Variants in CACNA1C observed in about 807,000 individuals in gnomAD.
CACNA1C encodes the protein calcium voltage-gated channel subunit alpha1 C, also known as voltage-dependent L-type calcium channel subunit alpha-1C.
A neutral mutation model predicts 229.0 loss-of-function variants in CACNA1C; 30 were observed. That is an observed-to-expected ratio of 0.13 (90% CI 0.10 to 0.18). CACNA1C has a LOEUF of 0.18. CACNA1C is among the 10% of genes least tolerant of loss of function. The pLI is 1.00. For synonymous variants in CACNA1C, 1,114 were observed against 1,132.5 expected (o/e 0.98, Z 0.33); for missense variants, 1,658 against 2,845.0 (o/e 0.58, Z 9.49).
intron 3 of CACNA1C, among the ~76,000 whole-genome samples, chr12:2,164,627 T>C (rs766589268): frequency 2.0e-4 from 31 of 152,322 alleles, no homozygotes; most frequent in Admixed American, 6.5e-4. Context: ...GTCTTCATAA[T>C]ATCAGGAAGG....
rs1437812379 is a variant in CACNA1C at position 1,974,906 on chromosome 12, G to T, written c.139+3705G>T. Among the ~76,000 whole-genome samples the T allele has an allele frequency of 2.0e-5, 3 of 152,130 alleles. No individual in the cohort carries two copies. The East Asian group carries it at 5.8e-4, about 29-fold the overall frequency. On this transcript the variant is annotated intron_variant, in intron 1 of 46. Transcript: ENST00000682462. ...TATGCTTAAGCTTATTTTTAAAACA[G>T]AATATTTCTACAGGTCAAAAATTTG...
In CACNA1C at chr12:2,593,237, A is replaced by C; in HGVS notation, c.2555A>C (p.Glu852Ala). 1 of 1,613,790 alleles carries C rather than the reference A, an allele frequency of 6.2e-7. No homozygotes were observed. Among genetic ancestry groups the C allele is most frequent in the Non-Finnish European group, 8.5e-7 (1 of 1,179,796 alleles). ...TTGEEDEEEP[E>A]MPVGPRPRPL... ...GGAGAAGAGGATGAGGAGGAGCCAG[A>C]GATGCCTGTCGGCCCTCGCCCACGA... The change falls in exon 19 of 47, where the codon GAG (glutamate) becomes GCG (alanine). Residue 852 changes from glutamate (E) to alanine (A), a missense_variant. Around this residue, in one of 20 missense-constraint regions of CACNA1C, gnomAD observed 121 missense variants for 128.8 expected, o/e 0.94. Coordinates refer to ENST00000399655, the MANE Select transcript of CACNA1C (RefSeq NM_000719.7).
At chr12:2,032,737 A>G (rs951270985) in intron 1 of CACNA1C, among the ~76,000 whole-genome samples, 2 of 152,232 alleles carry the variant, frequency 1.3e-5, no homozygotes, top group Non-Finnish European at 2.9e-5. Flanking sequence ...GGAGCTAACA[A>G]CTGTGCTGTG....
intron 13 of CACNA1C, among the ~76,000 whole-genome samples, chr12:2,572,552 C>T (rs2056048607): frequency 1.2e-5 from 1 of 81,892 alleles, no homozygotes; most frequent in Non-Finnish European, 2.6e-5. Context: ...TTCTCCCCTC[C>T]TCCTTCTCCT....
At position 2,065,997 on chromosome 12, in the gene CACNA1C, G is replaced by A. The variant is rs145502278; in HGVS notation, c.49+12386G>A. Reference sequence around the variant, plus strand: ...GGCATTTGGTAGGCAATGGAGGGCCGTTTAAAGTGTTTGAGTGGAGAGAGG... The same window carrying A: ...GGCATTTGGTAGGCAATGGAGGGCCATTTAAAGTGTTTGAGTGGAGAGAGG... On this transcript the variant is annotated intron_variant, in intron 1 of 46. Coordinates refer to ENST00000399655, the MANE Select transcript of CACNA1C (RefSeq NM_000719.7). 3.1e-3 allele frequency among the ~76,000 whole-genome samples: 478 copies of A among 152,218 alleles called. 4 individuals are homozygous for A. The highest frequency in any genetic ancestry group is 0.011 in the African/African-American group (455 of 41,522).
At chr12:2,518,313 T>TA (rs1047547973) in intron 9 of CACNA1C, among the ~76,000 whole-genome samples, 53 of 151,770 alleles carry the variant, frequency 3.5e-4, no homozygotes, top group African/African-American at 1.2e-3. Flanking sequence ...ATTTGATCTT[T>TA]AAAAAAAAAT....
At chr12:2,398,238 C>A (rs1228488376) in intron 3 of CACNA1C, among the ~76,000 whole-genome samples, 1 of 152,260 alleles carries the variant, frequency 6.6e-6, no homozygotes, top group Non-Finnish European at 1.5e-5. Flanking sequence ...GCCTCTTCCA[C>A]ATACGTGCCC....
Position 2,519,246 on chromosome 12 carries a change from G to GA in CACNA1C, c.1390+6263dup, listed in dbSNP as rs2099804683. Among the ~76,000 whole-genome samples the GA allele has an allele frequency of 2.0e-5, 3 of 152,302 alleles. No homozygotes were observed. In the East Asian group the frequency reaches 5.8e-4, roughly 29 times the overall value. ...ATTCACCGTTGTGTCCCCATGACCT[G>GA]ACACAGGCCAGAGCATGGGAATGTC... On this transcript the variant is annotated intron_variant, in intron 9 of 46. Coordinates refer to ENST00000399655, the MANE Select transcript of CACNA1C (RefSeq NM_000719.7).
At position 2,605,162 on chromosome 12, in the gene CACNA1C, G is replaced by T; in HGVS notation, c.3042G>T (p.Gly1014=). 1 of 1,610,662 alleles carries T rather than the reference G, an allele frequency of 6.2e-7. No individual in the cohort carries two copies. The highest frequency in any genetic ancestry group is 2.2e-5 in the East Asian group (1 of 44,854). ...RPLRAINRAK[G]LKHVVQCVFV... Reference sequence around the variant, plus strand: ...TGAGGGCCATCAACAGGGCCAAGGGGCTAAAGGTGAGTTGAGGGCTTGGGT... The same window carrying T: ...TGAGGGCCATCAACAGGGCCAAGGGTCTAAAGGTGAGTTGAGGGCTTGGGT... Residue 1014 remains glycine (G), a synonymous_variant, in exon 23 of 47, where the codon GGG becomes GGT. Transcript: ENST00000399655. The surrounding 1 kb of genome is among the most constrained non-coding windows in gnomAD (Gnocchi z 6.2).
chr12:2,556,045 C>G (rs939838589), intron 10 of CACNA1C, among the ~76,000 whole-genome samples: 1 of 152,154 alleles, frequency 6.6e-6, no homozygotes, highest in Non-Finnish European at 1.5e-5. Context: ...TGCACTATCC[C>G]CAGCGTTCAT....
intron 3 of CACNA1C, among the ~76,000 whole-genome samples, chr12:2,318,771 G>T (rs1272537934): frequency 1.3e-5 from 2 of 152,082 alleles, no homozygotes. Flanking sequence ...ATGGCATGGG[G>T]ATGGAGGATG....
intron 3 of CACNA1C, chr12:2,217,645 G>T (rs2060323889): frequency 6.6e-6 from 1 of 152,172 alleles, no homozygotes; most frequent in Admixed American, 6.5e-5. Context: ...ATTTGTACTT[G>T]ATTTGGTTTA....
intron 30 of CACNA1C, among the ~76,000 whole-genome samples, 161 bp from the exon 31 acceptor site, chr12:2,648,314 C>T (rs568403710): frequency 3.3e-5 from 5 of 152,318 alleles, no homozygotes; most frequent in East Asian, 1.9e-4. Context: ...CTCATGGGGA[C>T]GCCCCAGGAC....
intron 3 of CACNA1C, among the ~76,000 whole-genome samples, chr12:2,282,085 C>A (rs2154436062): frequency 6.6e-6 from 1 of 152,112 alleles, no homozygotes; most frequent in South Asian, 2.1e-4. Flanking sequence ...CCTTATCTTC[C>A]TTCCTTTAGA....
chr12:2,357,040 C>G (rs2239053), intron 3 of CACNA1C, among the ~76,000 whole-genome samples: 6,471 of 152,326 alleles, frequency 0.042, 195 homozygotes, highest in East Asian at 0.13. Flanking sequence ...GAAACTCAAG[C>G]CTGCTTTGCC....
At chr12:2,174,642 G>A (rs1012638244) in intron 3 of CACNA1C, among the ~76,000 whole-genome samples, 1 of 151,992 alleles carries the variant, frequency 6.6e-6, no homozygotes, top group African/African-American at 2.4e-5. Context: ...GAACAACATG[G>A]GGGTTAGAGA....
intron 2 of CACNA1C, among the ~76,000 whole-genome samples, chr12:2,116,453 G>A (rs1025274886): frequency 6.6e-6 from 1 of 151,010 alleles, no homozygotes; most frequent in Non-Finnish European, 1.5e-5. Context: ...CTCACTGCAA[G>A]CTCCTGGGTT....
chr12:2,241,817 G>A (rs1282102914), intron 3 of CACNA1C, among the ~76,000 whole-genome samples: 2 of 152,240 alleles, frequency 1.3e-5, no homozygotes, highest in Non-Finnish European at 1.5e-5. Flanking sequence ...ATCCCCTGCT[G>A]TATTCCCAGA....
chr12:2,651,855 A>G lies in CACNA1C; in HGVS notation c.4074+87A>G. The G allele has an allele frequency of 1.9e-6, 2 of 1,073,400 alleles. No homozygotes were observed. Among genetic ancestry groups the G allele is most frequent in the East Asian group, 2.6e-5 (1 of 38,630 alleles). 66.5% of individuals were successfully genotyped at this position (1,073,400 alleles called of 1,614,324 possible). On this transcript the variant is annotated intron_variant, in intron 32 of 46. Transcript: ENST00000399655. The surrounding 1 kb of genome is among the most constrained non-coding windows in gnomAD (Gnocchi z 5.4). Reference sequence around the variant, plus strand: ...CAGCTGACACAAGGAGGAGCCCTCCACTCTGGGGCCCTGCTCCTTCCTCTG... The same window carrying G: ...CAGCTGACACAAGGAGGAGCCCTCCGCTCTGGGGCCCTGCTCCTTCCTCTG...
Sources: gnomAD v4.1 joint callset for allele counts (sites outside exome capture counted in the v4.1 genomes callset) on GRCh38, gnomAD v4.1.1 for gene constraint, gnomAD v4.1.1 regional missense constraint, Gnocchi (gnomAD v3.1) non-coding constraint, MANE v1.5 for transcripts, NCBI Gene and HGNC (gene_info 2026-07-23, HGNC 2026-07-21) for gene names.